ZNF704: variants seen among roughly 807,000 people sequenced by gnomAD.
ZNF704 encodes the protein zinc finger protein 704, also known as glucocorticoid induced gene 1.
ZNF704 carries 10 observed loss-of-function variants against 44.7 expected under a neutral mutation model. That is an observed-to-expected ratio of 0.22 (90% CI 0.14 to 0.38). The LOEUF is 0.38. ZNF704 is among the 10% of genes least tolerant of loss of function. The probability of loss-of-function intolerance (pLI) is 1.00; values close to 1 mark genes in which losing one functional copy is unlikely to be tolerated. For synonymous variants in ZNF704, 211 were observed against 207.6 expected, an observed-to-expected ratio of 1.02 and a Z score of -0.14; for missense variants, 390 against 545.5, an observed-to-expected ratio of 0.71 and a Z score of 2.84.
chr8:80,702,153 C>T (rs942872048), intron 2 of ZNF704, among the ~76,000 whole-genome samples: 2 of 152,122 alleles, frequency 1.3e-5, no homozygotes, highest in Non-Finnish European at 2.9e-5. Flanking sequence ...AAAGGAGGAA[C>T]AACCACCCCG....
chr8:80,782,206 T>C (rs1218793000), intron 2 of ZNF704, among the ~76,000 whole-genome samples: 1 of 152,206 alleles, frequency 6.6e-6, no homozygotes, highest in Non-Finnish European at 1.5e-5. Context: ...CAAGTATGCA[T>C]AACAGAAATC....
chr8:80,847,173 AAAAATAAAAT>A (rs952901401), intron 1 of ZNF704, among the ~76,000 whole-genome samples: 3 of 152,156 alleles, frequency 2.0e-5, no homozygotes, highest in Admixed American at 1.3e-4. Context: ...ACTCCATCTT[AAAAATAAAAT>A]AAAATAAAAT....
Position 80,634,883 on chromosome 8 carries a change from T to C in ZNF704, c.*6483A>G, listed in dbSNP as rs1817641959. On this transcript the variant is annotated 3_prime_UTR_variant, in exon 9 of 9. Transcript: ENST00000327835. ...AAAAACTTCTTGGGGACTTTAATGC[T>C]AACAATGGAGACATTCCAAGGAGTG... is the stretch of plus-strand genomic sequence containing the variant. 3 of 152,224 alleles carry C rather than the reference T, an allele frequency of 2.0e-5. No individual in the cohort carries two copies. The allele number at this position is 152,224 out of a possible 1,614,324, so 9.4% of individuals were successfully genotyped here. A position where few individuals can be genotyped will look rare whatever the true frequency, so the allele number is the denominator to read the frequency against.
chr8:80,687,986 G>A (rs563039095), intron 3 of ZNF704, among the ~76,000 whole-genome samples: 14 of 152,208 alleles, frequency 9.2e-5, no homozygotes, highest in South Asian at 4.2e-4. Context: ...TAGGAGGATC[G>A]CTTGAGGCCA....
intron 2 of ZNF704, among the ~76,000 whole-genome samples, chr8:80,768,577 G>A (rs1807267291): frequency 6.6e-6 from 1 of 152,158 alleles, no homozygotes. Context: ...TTAATGAGAA[G>A]GGATTAGGCA....
intron 2 of ZNF704, among the ~76,000 whole-genome samples, chr8:80,773,518 G>A (rs1246685433): frequency 1.3e-5 from 2 of 152,130 alleles, no homozygotes; most frequent in African/African-American, 4.8e-5. Context: ...AACTCAAGAG[G>A]AGAATGTTAT....
Position 80,687,060 on chromosome 8 carries a change from T to C in ZNF704, c.558+166A>G, listed in dbSNP as rs186475672. The stretch of plus-strand genomic sequence containing the variant: ...ATTTGTCATTTTTAAATTATCACCA[T>C]AACAATTTCTATTCAAACTTCAAGA... On this transcript the variant is annotated intron_variant, in intron 4 of 8. Transcript: ENST00000327835. Among the ~76,000 whole-genome samples, 984 of 152,294 alleles carry C rather than the reference T, an allele frequency of 6.5e-3. 7 individuals are homozygous for C. Among genetic ancestry groups the C allele is most frequent in the Middle Eastern group, 0.02 (6 of 294 alleles).
chr8:80,708,675 G>A (rs1818933691), intron 2 of ZNF704, among the ~76,000 whole-genome samples: 1 of 152,184 alleles, frequency 6.6e-6, no homozygotes, highest in Non-Finnish European at 1.5e-5. Flanking sequence ...TTGTGTAGCA[G>A]CAGTTTATAG....
In ZNF704 at chr8:80,636,689, CA is replaced by C. The variant is rs1324348894; in HGVS notation, c.*4676del. 2 of 152,160 alleles carry C rather than the reference CA, an allele frequency of 1.3e-5. No individual in the cohort carries two copies. Among genetic ancestry groups the C allele is most frequent in the Non-Finnish European group, 2.9e-5 (2 of 68,036 alleles). The allele number at this position is 152,160 out of a possible 1,614,324, so 9.4% of individuals were successfully genotyped here. ...TGACCCGTGTGCCCAGGGCATTCTC[CA>C]AAATGATTCACATTCTCATTCATAT... On this transcript the variant is annotated 3_prime_UTR_variant, in exon 9 of 9. Transcript: ENST00000327835.
chr8:80,880,471 T>C, the ZNF704 span, among the ~76,000 whole-genome samples: 1 of 152,262 alleles, frequency 6.6e-6, no homozygotes, highest in Admixed American at 6.5e-5. Flanking sequence ...CTAACCTCCC[T>C]ACCCAAAGAT....
At chr8:80,850,976 A>T (rs2129999241) in intron 1 of ZNF704, among the ~76,000 whole-genome samples, 1 of 152,292 alleles carries the variant, frequency 6.6e-6, no homozygotes, top group East Asian at 1.9e-4. Context: ...TCTGAGAAAT[A>T]AATAATTAGA....
chr8:80,784,572 G>A (rs1807584670), intron 2 of ZNF704, among the ~76,000 whole-genome samples: 1 of 152,182 alleles, frequency 6.6e-6, no homozygotes, highest in Admixed American at 6.5e-5. Context: ...TTGAGGAGAT[G>A]TCTGTTCAGG....
Position 80,714,780 on chromosome 8 carries a change from C to T in ZNF704, c.222-21673G>A, listed in dbSNP as rs557148407. Among the ~76,000 whole-genome samples the T allele has an allele frequency of 1.8e-4, 28 of 152,190 alleles. No homozygotes were observed. In the South Asian group the frequency reaches 5.0e-3, roughly 27 times the overall value. On this transcript the variant is annotated intron_variant, in intron 2 of 8. Coordinates refer to ENST00000327835, the MANE Select transcript of ZNF704 (RefSeq NM_001033723.3). ...ACTGGTCCCATTTTAAGTCACATGG[C>T]GGCGGTAAGTTGGGGAGAGGGTGGC... is the stretch of plus-strand genomic sequence containing the variant.
chr8:80,761,310 T>C (rs1483428094), intron 2 of ZNF704, among the ~76,000 whole-genome samples: 2 of 152,240 alleles, frequency 1.3e-5, no homozygotes, highest in South Asian at 2.1e-4. Context: ...TATTTTGTTA[T>C]AGAGCAGGAA....
At position 80,636,893 on chromosome 8, in the gene ZNF704, T is replaced by G. The variant is rs1817670209; in HGVS notation, c.*4473A>C. ...TCGCTAACATGCTATTAAAGCAAAA[T>G]GTACATCGTTCACGGCTTGCTTTCG... On this transcript the variant is annotated 3_prime_UTR_variant, in exon 9 of 9. Coordinates refer to ENST00000327835, the MANE Select transcript of ZNF704 (RefSeq NM_001033723.3). 2 of 152,224 alleles carry G rather than the reference T, an allele frequency of 1.3e-5. No individual in the cohort carries two copies. The allele number at this position is 152,224 out of a possible 1,614,324, so 9.4% of individuals were successfully genotyped here. A position where few individuals can be genotyped will look rare whatever the true frequency, so the allele number is the denominator to read the frequency against.
chr8:80,870,030 T>G (rs1809223575), intron 1 of ZNF704, among the ~76,000 whole-genome samples: 1 of 152,164 alleles, frequency 6.6e-6, no homozygotes, highest in East Asian at 1.9e-4. Context: ...CTATGTAAGC[T>G]TACAAGTTAA....
intron 2 of ZNF704, among the ~76,000 whole-genome samples, chr8:80,811,808 G>A (rs1191931198): frequency 6.6e-6 from 1 of 152,210 alleles, no homozygotes; most frequent in Non-Finnish European, 1.5e-5. Flanking sequence ...TCTATGGCCT[G>A]TTAGGAACTG....
intron 2 of ZNF704, among the ~76,000 whole-genome samples, chr8:80,795,475 T>C (rs180832278): frequency 1.5e-4 from 23 of 152,286 alleles, no homozygotes; most frequent in African/African-American, 5.3e-4. Context: ...TTTTATTTCT[T>C]TAAACTATCA....
chr8:80,872,872 T>C (rs1388338501), intron 1 of ZNF704, among the ~76,000 whole-genome samples: 12 of 152,204 alleles, frequency 7.9e-5, no homozygotes, highest in Non-Finnish European at 1.3e-4. Flanking sequence ...ATTTGCAATT[T>C]TGAGGAGGGA....
Sources: allele counts gnomAD v4.1 joint callset (sites outside exome capture counted in the v4.1 genomes callset), GRCh38; gene constraint gnomAD v4.1.1; transcripts MANE v1.5; gene names NCBI Gene and HGNC (gene_info 2026-07-23, HGNC 2026-07-21).